IGF1R: variants seen among roughly 807,000 people sequenced by gnomAD.
IGF1R encodes insulin-like growth factor 1 receptor.
A neutral mutation model predicts 144.6 loss-of-function variants in IGF1R; 44 were observed. That is an observed-to-expected ratio of 0.30 (90% confidence interval 0.24 to 0.39). IGF1R has a LOEUF of 0.39. Ranked by LOEUF, IGF1R falls within the 10% of genes least tolerant of loss-of-function variation. The pLI is 1.00. For synonymous variants in IGF1R, 795 were observed against 722.8 expected, an observed-to-expected ratio of 1.10 and a Z score of -1.60; for missense variants, 1,355 against 1,833.7, an observed-to-expected ratio of 0.74 and a Z score of 4.77.
intron 2 of IGF1R, among the ~76,000 whole-genome samples, chr15:98,828,012 C>T (rs2670497): frequency 2.0e-5 from 3 of 151,990 alleles, no homozygotes; most frequent in South Asian, 2.1e-4. Flanking sequence ...ATTGGTAGTA[C>T]GCCTCCAAAA....
intron 2 of IGF1R, among the ~76,000 whole-genome samples, chr15:98,722,884 T>C (rs2054276559): frequency 6.6e-6 from 1 of 152,020 alleles, no homozygotes; most frequent in Non-Finnish European, 1.5e-5. Flanking sequence ...CTCAGTGGAA[T>C]CAGGAGCATC....
intron 2 of IGF1R, among the ~76,000 whole-genome samples, chr15:98,882,571 T>G (rs28675068): frequency 0.02 from 3,036 of 152,314 alleles, 103 homozygotes; most frequent in African/African-American, 0.069. Flanking sequence ...GTGGATGTCA[T>G]GGCCCTAGGA....
intron 2 of IGF1R, among the ~76,000 whole-genome samples, chr15:98,780,381 T>A (rs532164640): frequency 9.9e-5 from 15 of 151,496 alleles, no homozygotes; most frequent in African/African-American, 3.4e-4. Context: ...AGAAACCTCA[T>A]CTCTACTAAA....
Position 98,649,654 on chromosome 15 carries a change from C to T in IGF1R, c.73C>T (p.Leu25Phe). 2 of 1,610,368 alleles carry T rather than the reference C, an allele frequency of 1.2e-6. No individual in the cohort carries two copies. The highest frequency in any genetic ancestry group is 1.7e-6 in the Non-Finnish European group (2 of 1,178,718). The change falls in exon 1 of 21, where the codon CTC becomes TTC. Residue 25 changes from leucine to phenylalanine, a missense_variant. Transcript: ENST00000650285. ...GLLFLSAALS[L>F]WPTSGEICGP... Reference sequence around the variant, plus strand: ...CCTGTTTCTCTCCGCCGCGCTCTCGCTCTGGCCGACGAGTGGAGAAAGTGA... The same window carrying T: ...CCTGTTTCTCTCCGCCGCGCTCTCGTTCTGGCCGACGAGTGGAGAAAGTGA...
chr15:98,928,665 C>T (rs780776020), intron 13 of IGF1R, among the ~76,000 whole-genome samples: 2 of 152,200 alleles, frequency 1.3e-5, no homozygotes, highest in African/African-American at 2.4e-5. Context: ...CTTCTCTCCT[C>T]TCCCTTCCTC....
intron 2 of IGF1R, among the ~76,000 whole-genome samples, chr15:98,884,567 G>A (rs903929658): frequency 1.3e-4 from 19 of 151,034 alleles, no homozygotes; most frequent in African/African-American, 4.4e-4. Flanking sequence ...GGTGGCGGGC[G>A]CCTGTAGTCC....
chr15:98,943,827 C>T (rs528947534), intron 19 of IGF1R, among the ~76,000 whole-genome samples: 6 of 152,202 alleles, frequency 3.9e-5, no homozygotes, highest in Non-Finnish European at 7.3e-5. Flanking sequence ...TAGTTGTTTA[C>T]TCCAACAGTC....
chr15:98,839,256 G>A (rs2011135473), intron 2 of IGF1R, among the ~76,000 whole-genome samples: 1 of 152,242 alleles, frequency 6.6e-6, no homozygotes, highest in African/African-American at 2.4e-5. Context: ...GAAAGGTTAA[G>A]TAATTTGGCC....
chr15:98,805,982 G>A (rs2056462877), intron 2 of IGF1R, among the ~76,000 whole-genome samples: 1 of 152,214 alleles, frequency 6.6e-6, no homozygotes, highest in African/African-American at 2.4e-5. Context: ...GCAGATGCGA[G>A]TAGCAGGTAT....
chr15:98,916,953 T>C, intron 10 of IGF1R, 77 bp downstream of exon 10: 1 of 1,278,738 alleles, frequency 7.8e-7, no homozygotes, highest in Non-Finnish European at 1.1e-6. Context: ...CCCCACCAGG[T>C]AGTGTGTAAG....
intron 2 of IGF1R, among the ~76,000 whole-genome samples, chr15:98,764,895 A>G (rs562902738): frequency 6.6e-6 from 1 of 152,290 alleles, no homozygotes; most frequent in Non-Finnish European, 1.5e-5. Flanking sequence ...TGCAATTGCC[A>G]TCTCTATCTA....
At chr15:98,904,161 C>G (rs939177953) in intron 5 of IGF1R, among the ~76,000 whole-genome samples, 1 of 151,942 alleles carries the variant, frequency 6.6e-6, no homozygotes, top group Non-Finnish European at 1.5e-5. Flanking sequence ...ACACCATTCC[C>G]CTGCCTCAGC....
Position 98,704,619 on chromosome 15 carries a change from T to C in IGF1R, c.95-2943T>C, listed in dbSNP as rs2053816952. Among the ~76,000 whole-genome samples, 3 of 152,156 alleles carry C rather than the reference T, an allele frequency of 2.0e-5. No individual in the cohort carries two copies. Among genetic ancestry groups the C allele is most frequent in the African/African-American group, 4.8e-5 (2 of 41,436 alleles). ...ATGAAATTCACTCATTCTGCGTGTG[T>C]CCCATGTCATGTGTCCGCTGCACAC... On this transcript the variant is annotated intron_variant, in intron 1 of 20. Transcript: ENST00000650285. This position sits in a 1 kb window ranked among gnomAD's most constrained non-coding sequence, Gnocchi z 4.9.
At chr15:98,829,016 A>C (rs1026283964) in intron 2 of IGF1R, among the ~76,000 whole-genome samples, 4 of 152,142 alleles carry the variant, frequency 2.6e-5, no homozygotes, top group African/African-American at 9.7e-5. Flanking sequence ...CATTATTCTA[A>C]TTCATTAAAA....
At chr15:98,830,603 A>ATTTTTTTTTTTTTTTTTTTTT (rs1555450173) in intron 2 of IGF1R, among the ~76,000 whole-genome samples, 1 of 133,720 alleles carries the variant, frequency 7.5e-6, no homozygotes, top group African/African-American at 3.3e-5. Flanking sequence ...TCTGATCATC[A>ATTTTTTTTTTTTTTTTTTTTT]TCTTTTTTTT....
chr15:98,894,888 A>C (rs906841050), intron 3 of IGF1R, among the ~76,000 whole-genome samples: 1 of 151,916 alleles, frequency 6.6e-6, no homozygotes, highest in African/African-American at 2.4e-5. Flanking sequence ...GGGCCTGGTG[A>C]TGGGTGCCTG....
At chr15:98,809,183 C>G (rs1179332447) in intron 2 of IGF1R, among the ~76,000 whole-genome samples, 1 of 152,218 alleles carries the variant, frequency 6.6e-6, no homozygotes, top group Non-Finnish European at 1.5e-5. Context: ...GTGACCCTGA[C>G]TCTTTCCTGC....
At chr15:98,692,009 T>C (rs1316280234) in intron 1 of IGF1R, among the ~76,000 whole-genome samples, 1 of 152,134 alleles carries the variant, frequency 6.6e-6, no homozygotes, top group East Asian at 1.9e-4. Context: ...ATTGGTAATT[T>C]TTTTGTGTGT....
intron 1 of IGF1R, among the ~76,000 whole-genome samples, chr15:98,689,475 C>T (rs2053422212): frequency 6.6e-6 from 1 of 151,934 alleles, no homozygotes; most frequent in Admixed American, 6.6e-5. Context: ...CATCTGCCTG[C>T]CTTGGCCTCC....
Sources: gnomAD v4.1 joint callset for allele counts (sites outside exome capture counted in the v4.1 genomes callset) on GRCh38, gnomAD v4.1.1 for gene constraint, Gnocchi (gnomAD v3.1) non-coding constraint, MANE v1.5 for transcripts, NCBI Gene and HGNC (gene_info 2026-07-23, HGNC 2026-07-21) for gene names.